Variants in ZNF611 observed in about 807,000 individuals in gnomAD.
The protein encoded by ZNF611 is zinc finger protein 611.
Under a neutral mutation model 8.9 loss-of-function variants are expected in ZNF611, and 6 were observed. That is an observed-to-expected ratio of 0.68 (90% CI 0.37 to 1.34). The LOEUF is 1.34. Among genes scored for constraint, ZNF611 ranks in the 40% most tolerant of loss-of-function variants. ZNF611 has a pLI of 0.02. For synonymous variants in ZNF611, 262 were observed against 279.7 expected (o/e 0.94, Z 0.63); for missense variants, 874 against 841.3 (o/e 1.04, Z -0.48).
chr19:52,734,356 G>GT (rs1369584661), intron 1 of ZNF611, among the ~76,000 whole-genome samples: 3 of 152,100 alleles, frequency 2.0e-5, no homozygotes, highest in Non-Finnish European at 4.4e-5. Context: ...ACGGTTTGGA[G>GT]TAAGACGCCT....
chr19:52,721,965 G>A (rs753203457), intron 3 of ZNF611, among the ~76,000 whole-genome samples: 6 of 152,136 alleles, frequency 3.9e-5, no homozygotes, highest in African/African-American at 7.2e-5. Context: ...CAGGAGAATC[G>A]CTTCAACCCT....
At position 52,706,152 on chromosome 19, in the gene ZNF611, G is replaced by A; in HGVS notation, c.903C>T (p.Ser301=). ...TATGAAGTCTACGATGGCAGGTAAG[G>A]GATGACTCCTGACTGAAGGTCTTGC... ...ECGKTFSQES[S]LTCHRRLHTG... The change falls in exon 6 of 6, where the codon TCC becomes TCT. Residue 301 remains serine, a synonymous_variant. Transcript: ENST00000652185. 1 of 1,614,010 alleles carries A rather than the reference G, an allele frequency of 6.2e-7. No individual in the cohort carries two copies. Among genetic ancestry groups the A allele is most frequent in the Non-Finnish European group, 8.5e-7 (1 of 1,179,958 alleles).
intron 3 of ZNF611, among the ~76,000 whole-genome samples, chr19:52,722,734 C>A (rs529537106): frequency 6.6e-6 from 1 of 152,212 alleles, no homozygotes; most frequent in African/African-American, 2.4e-5. Context: ...AAGTCCCCCA[C>A]CCTTTTTTTC....
chr19:52,704,884 A>G lies in ZNF611; in HGVS notation c.*53T>C. On this transcript the variant is annotated 3_prime_UTR_variant, in exon 6 of 6. Transcript: ENST00000652185. Reference sequence around the variant, plus strand: ...CTTTCTCTCCAGTATAAATTCTCCTATGTCTTTAAGGTGTGATTTCCAAAT... The same window carrying G: ...CTTTCTCTCCAGTATAAATTCTCCTGTGTCTTTAAGGTGTGATTTCCAAAT... 2 of 1,610,034 alleles carry G rather than the reference A, an allele frequency of 1.2e-6. No individual in the cohort carries two copies. Among genetic ancestry groups the G allele is most frequent in the East Asian group, 4.5e-5 (2 of 44,826 alleles).
chr19:52,730,817 C>G (rs1159953996), intron 1 of ZNF611, among the ~76,000 whole-genome samples: 3 of 152,068 alleles, frequency 2.0e-5, no homozygotes, highest in African/African-American at 7.2e-5. Context: ...CCACCTACCT[C>G]AGGTGATTCA....
At chr19:52,709,033 G>C (rs987281926) in intron 5 of ZNF611, among the ~76,000 whole-genome samples, 2 of 152,080 alleles carry the variant, frequency 1.3e-5, no homozygotes, top group African/African-American at 4.8e-5. Context: ...ACTGAGATCA[G>C]AGAAAACATT....
intron 3 of ZNF611, among the ~76,000 whole-genome samples, chr19:52,725,327 CAGA>C (rs2062384634): frequency 6.6e-6 from 1 of 152,172 alleles, no homozygotes; most frequent in Non-Finnish European, 1.5e-5. Context: ...CAGGACCAGG[CAGA>C]GGACCCAGCC....
chr19:52,726,289 A>G lies in ZNF611; in HGVS notation c.-20+2441T>C, dbSNP rs183880347. On this transcript the variant is annotated intron_variant, in intron 3 of 5. Coordinates refer to ENST00000652185, the MANE Select transcript of ZNF611 (RefSeq NM_001161499.2). ...AGGCCGGAAGCCTGAGGTCCCAGCT[A>G]CTCAGGAAGCAGCGGCGGGAGAATC... 4.7e-3 allele frequency among the ~76,000 whole-genome samples: 713 copies of G among 152,206 alleles called. 5 individuals are homozygous for G. Among genetic ancestry groups the G allele is most frequent in the African/African-American group, 0.016 (675 of 41,544 alleles).
At chr19:52,718,475 A>T (rs1216725910) in intron 3 of ZNF611, among the ~76,000 whole-genome samples, 1 of 152,086 alleles carries the variant, frequency 6.6e-6, no homozygotes, top group Non-Finnish European at 1.5e-5. Flanking sequence ...ACTGCACTCC[A>T]GCCTGGACAG....
At chr19:52,722,707 A>C (rs2062367411) in intron 3 of ZNF611, among the ~76,000 whole-genome samples, 1 of 152,118 alleles carries the variant, frequency 6.6e-6, no homozygotes, top group Non-Finnish European at 1.5e-5. Context: ...ATGAACTCAC[A>C]CACTCATCTG....
chr19:52,729,335 A>G (rs73934873), intron 2 of ZNF611, among the ~76,000 whole-genome samples: 3 of 151,874 alleles, frequency 2.0e-5, no homozygotes, highest in Non-Finnish European at 4.4e-5. Context: ...ATAAGAAAAG[A>G]TTACAAAATT....
chr19:52,722,500 A>C (rs183537668), intron 3 of ZNF611, among the ~76,000 whole-genome samples: 1 of 152,294 alleles, frequency 6.6e-6, no homozygotes, highest in East Asian at 1.9e-4. Context: ...AAGGGAAGAA[A>C]CTGACTCACA....
At chr19:52,724,505 A>G (rs2062379294) in intron 3 of ZNF611, 1 of 152,198 alleles carries the variant, frequency 6.6e-6, no homozygotes, top group African/African-American at 2.4e-5. Context: ...ACTTCTTTCT[A>G]CATAGACACA....
chr19:52,723,589 G>A (rs2062373808), intron 3 of ZNF611: 1 of 152,202 alleles, frequency 6.6e-6, no homozygotes, highest in Non-Finnish European at 1.5e-5. Flanking sequence ...CCACACCTGT[G>A]AGTATTTCTC....
intron 3 of ZNF611, chr19:52,724,616 G>C (rs576001874): frequency 6.6e-6 from 1 of 151,132 alleles, no homozygotes; most frequent in South Asian, 2.1e-4. Context: ...ATATATTACC[G>C]CCTCTTCTCT....
intron 3 of ZNF611, among the ~76,000 whole-genome samples, chr19:52,725,303 C>G (rs934767058): frequency 1.3e-5 from 2 of 152,152 alleles, no homozygotes; most frequent in Non-Finnish European, 2.9e-5. Flanking sequence ...ACATGGGTGG[C>G]ACCTGCAGGC....
chr19:52,728,507 C>T (rs1440197444), intron 3 of ZNF611, among the ~76,000 whole-genome samples: 1 of 152,064 alleles, frequency 6.6e-6, no homozygotes, highest in Non-Finnish European at 1.5e-5. Context: ...CATTTAACTC[C>T]AGCCTGGGCA....
chr19:52,718,580 C>G (rs2062333476), intron 3 of ZNF611, among the ~76,000 whole-genome samples: 1 of 151,518 alleles, frequency 6.6e-6, no homozygotes, highest in African/African-American at 2.4e-5. Context: ...GGGAGGATCA[C>G]CTGAGGTCAG....
Position 52,705,777 on chromosome 19 carries a change from A to G in ZNF611, c.1278T>C (p.Tyr426=), listed in dbSNP as rs369493487. The G allele has an allele frequency of 1.7e-4, 269 of 1,611,632 alleles. 2 individuals are homozygous for G. Among genetic ancestry groups the G allele is most frequent in the Middle Eastern group, 3.3e-4 (2 of 6,036 alleles). Residue 426 remains tyrosine (Y), a synonymous_variant, in exon 6 of 6, where the codon TAT becomes TAC. Coordinates refer to ENST00000652185, the MANE Select transcript of ZNF611 (RefSeq NM_001161499.2). ...HRRIHTAKKT[Y]KCNECGKTFS... is the part of the protein sequence containing the mutation. ...AGGTCTTGCCACACTCATTACATTT[A>G]TAAGTTTTCTTTGCAGTATGAATTC...
Sources: gnomAD v4.1 joint callset for allele counts (sites outside exome capture counted in the v4.1 genomes callset) on GRCh38, gnomAD v4.1.1 for gene constraint, MANE v1.5 for transcripts, NCBI Gene and HGNC (gene_info 2026-07-23, HGNC 2026-07-21) for gene names.